The following PRIM2 variants were observed in gnomAD, a reference collection of about 807,000 sequenced individuals.
PRIM2 encodes DNA primase subunit 2, also known as DNA primase large subunit.
PRIM2 carries 39 observed loss-of-function variants against 67.3 expected under a neutral mutation model. The ratio of observed to expected loss-of-function variants is 0.58; its 90% CI spans 0.45 to 0.76. The LOEUF (loss-of-function observed/expected upper bound fraction) is 0.76. Ranked by LOEUF, PRIM2 falls within the 30% of genes least tolerant of loss-of-function variation. The pLI is 0.00. For missense variants in PRIM2, 398 were observed against 598.7 expected (o/e 0.66, Z 3.50); for synonymous variants, 143 against 198.7 (o/e 0.72, Z 2.36).
chr6:57,448,791 A>T (rs1265643695), intron 7 of PRIM2, among the ~76,000 whole-genome samples: 2 of 152,210 alleles, frequency 1.3e-5, no homozygotes, highest in East Asian at 3.8e-4. Context: ...AGGGGTGCAT[A>T]ACTTAGCCCT....
chr6:57,355,222 TGAACTC>T (rs1421194566), intron 5 of PRIM2, among the ~76,000 whole-genome samples: 3 of 150,424 alleles, frequency 2.0e-5, no homozygotes, highest in Non-Finnish European at 4.4e-5. Flanking sequence ...GAGAATCACT[TGAACTC>T]GAGAGGCGGA....
At chr6:57,388,351 A>G (rs1355177130) in intron 7 of PRIM2, among the ~76,000 whole-genome samples, 1 of 152,012 alleles carries the variant, frequency 6.6e-6, no homozygotes, top group Non-Finnish European at 1.5e-5. Context: ...CTTGAAATGG[A>G]TTGGTTGTGG....
the PRIM2 span, among the ~76,000 whole-genome samples, chr6:57,286,615 G>A: frequency 6.6e-6 from 1 of 152,160 alleles, no homozygotes; most frequent in Non-Finnish European, 1.5e-5. Flanking sequence ...ACTCAAGGTG[G>A]ATTAAAGACT....
At chr6:57,523,338 G>A (rs1774669577) in intron 8 of PRIM2, among the ~76,000 whole-genome samples, 1 of 147,050 alleles carries the variant, frequency 6.8e-6, no homozygotes, top group East Asian at 1.9e-4. Flanking sequence ...ACTTTTGCAT[G>A]ACTCTCGAAT....
At chr6:57,593,438 G>C (rs1294275479) in intron 10 of PRIM2, among the ~76,000 whole-genome samples, 48,598 of 151,782 alleles carry the variant, frequency 0.32, 7,740 homozygotes, top group East Asian at 0.44. Context: ...GAGTAGCTGG[G>C]ATTACAGGCA....
At chr6:57,252,317 C>T in the PRIM2 span, among the ~76,000 whole-genome samples, 2 of 152,178 alleles carry the variant, frequency 1.3e-5, no homozygotes, top group Middle Eastern at 3.2e-3. Flanking sequence ...CTCTGTTATG[C>T]AATTTTATAC....
intron 7 of PRIM2, among the ~76,000 whole-genome samples, chr6:57,446,490 T>A (rs1343747100): frequency 7.2e-6 from 1 of 138,030 alleles, no homozygotes; most frequent in Non-Finnish European, 1.5e-5. Context: ...CACGGCTCAC[T>A]GCAACCTGTG....
At chr6:57,353,954 CTG>C (rs1161043705) in intron 5 of PRIM2, among the ~76,000 whole-genome samples, 9 of 152,024 alleles carry the variant, frequency 5.9e-5, no homozygotes, top group Non-Finnish European at 1.3e-4. Flanking sequence ...CACCATCATT[CTG>C]TGTGAGAGAG....
At chr6:57,463,921 CT>C (rs1773095913) in intron 7 of PRIM2, among the ~76,000 whole-genome samples, 1 of 152,152 alleles carries the variant, frequency 6.6e-6, no homozygotes, top group African/African-American at 2.4e-5. Flanking sequence ...TCCAGTTGTG[CT>C]GGCCTTCTTT....
chr6:57,363,769 C>A (rs890305096), intron 5 of PRIM2, among the ~76,000 whole-genome samples: 2 of 152,114 alleles, frequency 1.3e-5, no homozygotes, highest in African/African-American at 4.8e-5. Context: ...TGAGTTTCAC[C>A]AGCGTTCTTG....
At chr6:57,311,940 C>T (rs1411833089), upstream of PRIM2, among the ~76,000 whole-genome samples, 4 of 146,944 alleles carry the variant, frequency 2.7e-5, no homozygotes, top group African/African-American at 1.0e-4. Context: ...GAGCCCGAGG[C>T]AGGGAGGTTG....
chr6:57,558,855 C>T lies in PRIM2; in HGVS notation c.1020+21230C>T, dbSNP rs1383371781. Among the ~76,000 whole-genome samples the T allele has an allele frequency of 5.5e-4, 83 of 152,116 alleles. 2 individuals carry two copies. In the East Asian group the frequency reaches 0.011, roughly 21 times the overall value. On this transcript the variant is annotated intron_variant, in intron 10 of 13. Coordinates refer to ENST00000615550, the MANE Select transcript of PRIM2 (RefSeq NM_000947.5). Reference sequence around the variant, plus strand: ...ACGAGATACATTTTGGGGCTGGGCACGGTGGCTCACACCTATAATCTCAGT... The same window carrying T: ...ACGAGATACATTTTGGGGCTGGGCATGGTGGCTCACACCTATAATCTCAGT...
At chr6:57,518,467 A>G (rs1336277706) in intron 8 of PRIM2, among the ~76,000 whole-genome samples, 5 of 152,200 alleles carry the variant, frequency 3.3e-5, no homozygotes, top group Admixed American at 2.6e-4. Context: ...GCTCCATTAG[A>G]TGAAGGAATT....
intron 7 of PRIM2, among the ~76,000 whole-genome samples, chr6:57,506,817 C>G (rs1774260500): frequency 6.6e-6 from 1 of 151,942 alleles, no homozygotes; most frequent in Admixed American, 6.6e-5. Context: ...TTCTTATTTC[C>G]TAGCTCAATT....
chr6:57,458,084 G>A (rs1425420990), intron 7 of PRIM2, among the ~76,000 whole-genome samples: 16 of 152,116 alleles, frequency 1.1e-4, no homozygotes, highest in South Asian at 1.0e-3. Flanking sequence ...TTTGACTTGT[G>A]TATCGGTCAA....
chr6:57,524,127 A>C (rs1407372780), intron 8 of PRIM2, among the ~76,000 whole-genome samples: 3 of 152,102 alleles, frequency 2.0e-5, no homozygotes, highest in Non-Finnish European at 2.9e-5. Context: ...AATTAGATTG[A>C]TTTAATTGGA....
the PRIM2 span, among the ~76,000 whole-genome samples, chr6:57,308,436 T>A: frequency 6.6e-6 from 1 of 152,228 alleles, no homozygotes; most frequent in Non-Finnish European, 1.5e-5. Flanking sequence ...TTTATCCATT[T>A]CTGATGATGG....
At chr6:57,560,823 T>C (rs1230710928) in intron 10 of PRIM2, among the ~76,000 whole-genome samples, 1 of 152,190 alleles carries the variant, frequency 6.6e-6, no homozygotes, top group African/African-American at 2.4e-5. Flanking sequence ...TAAACAGATA[T>C]GCTGTTACCC....
At chr6:57,257,551 G>A in the PRIM2 span, among the ~76,000 whole-genome samples, 2 of 152,182 alleles carry the variant, frequency 1.3e-5, no homozygotes, top group African/African-American at 2.4e-5. Flanking sequence ...GATTACAGGC[G>A]TGAGCCATCG....
Sources: allele counts gnomAD v4.1 joint callset (sites outside exome capture counted in the v4.1 genomes callset), GRCh38; gene constraint gnomAD v4.1.1; transcripts MANE v1.5; gene names NCBI Gene and HGNC (gene_info 2026-07-23, HGNC 2026-07-21).